The following SLC25A25 variants were observed in gnomAD, a reference collection of about 807,000 sequenced individuals.
SLC25A25 encodes the protein solute carrier family 25 member 25, also known as mitochondrial adenyl nucleotide antiporter SLC25A25.
Under a neutral mutation model 57.7 loss-of-function variants are expected in SLC25A25, and 32 were observed. The observed-to-expected ratio is 0.55, with a 90% CI of 0.42 to 0.74. SLC25A25 has a LOEUF of 0.74. Among genes scored for constraint, SLC25A25 ranks in the 30% least tolerant of loss-of-function variants. The probability of loss-of-function intolerance (pLI) is 0.00; values close to 1 mark genes in which losing one functional copy is unlikely to be tolerated. For missense variants in SLC25A25, 556 were observed against 701.3 expected (o/e 0.79, Z 2.34); for synonymous variants, 306 against 291.2 (o/e 1.05, Z -0.52).
intron 1 of SLC25A25, among the ~76,000 whole-genome samples, chr9:128,080,188 G>T (rs112311948): frequency 2.0e-5 from 3 of 149,920 alleles, no homozygotes; most frequent in South Asian, 4.2e-4. Context: ...CCGAGATCAC[G>T]CCACTGCACT....
At position 128,107,141 on chromosome 9, in the gene SLC25A25, AC is replaced by A. The variant is rs770577173; in HGVS notation, c.1330del (p.Leu444TrpfsTer3). The A allele has an allele frequency of 6.2e-7, 1 of 1,613,698 alleles. No homozygotes were observed. Among genetic ancestry groups the A allele is most frequent in the Admixed American group, 1.7e-5 (1 of 59,992 alleles). On this transcript the variant is annotated frameshift_variant, in exon 10 of 11. Transcript: ENST00000373069. LOFTEE classifies it high-confidence loss of function. ...MSSTCGQLAS[Y>X]PLALVRTRMQ... ...AGTACCTGTGGCCAGCTGGCCAGCT[AC>A]CCCCTGGCCCTAGTCAGGACCCGGA...
intron 1 of SLC25A25, among the ~76,000 whole-genome samples, chr9:128,093,322 T>C (rs796368533): frequency 1.3e-4 from 20 of 152,364 alleles, no homozygotes; most frequent in African/African-American, 4.8e-4. Context: ...AAGATTGGAA[T>C]GGCTGTGGCA....
chr9:128,078,284 G>T (rs1301939469), intron 1 of SLC25A25, among the ~76,000 whole-genome samples: 1 of 152,072 alleles, frequency 6.6e-6, no homozygotes, highest in Non-Finnish European at 1.5e-5. Context: ...AAAATAAGGT[G>T]CCCAGAATTG....
At chr9:128,107,215 G>T (rs1305750953) in intron 10 of SLC25A25, 36 bp downstream of exon 10, 1 of 1,613,134 alleles carries the variant, frequency 6.2e-7, no homozygotes, top group Admixed American at 1.7e-5. Flanking sequence ...TGGGAGGTCG[G>T]GGGGAGCGGA....
At position 128,068,532 on chromosome 9, in the gene SLC25A25, G is replaced by A. The variant is rs1164205007; in HGVS notation, c.213G>A (p.Ala71=). ...GCGGCCTGTGTGTCAACGACCTGGC[G>A]GTGGGGCTGCGGCGCCTGGGACTGC... The part of the protein sequence containing the change: ...RDGGLCVNDL[A]VGLRRLGLHR... The change falls in exon 1 of 11, where the codon GCG becomes GCA. Residue 71 remains alanine, a synonymous_variant. Transcript: ENST00000373069. The A allele has an allele frequency of 6.7e-7, 1 of 1,488,604 alleles. No individual in the cohort carries two copies. Among genetic ancestry groups the A allele is most frequent in the Non-Finnish European group, 8.9e-7 (1 of 1,126,118 alleles). 92.2% of individuals were successfully genotyped at this position (1,488,604 alleles called of 1,614,324 possible). A position where few individuals can be genotyped will look rare whatever the true frequency, so the allele number is the denominator to read the frequency against.
At chr9:128,094,464 G>A (rs529836922) in intron 1 of SLC25A25, 44 of 152,270 alleles carry the variant, frequency 2.9e-4, no homozygotes, top group African/African-American at 1.0e-3. Flanking sequence ...GTGTAGGCAG[G>A]TTTCATTGGA....
chr9:128,096,763 G>C (rs1208761891), intron 1 of SLC25A25, among the ~76,000 whole-genome samples: 1 of 152,220 alleles, frequency 6.6e-6, no homozygotes, highest in Non-Finnish European at 1.5e-5. Context: ...TACCTTCAAG[G>C]ACCCTGGTGG....
intron 1 of SLC25A25, among the ~76,000 whole-genome samples, chr9:128,093,887 T>C (rs1472810576): frequency 1.3e-5 from 2 of 152,228 alleles, no homozygotes; most frequent in Non-Finnish European, 2.9e-5. Flanking sequence ...CAGTGGCTCA[T>C]GCCTGTAATC....
chr9:128,088,238 C>G (rs1306368022), intron 1 of SLC25A25, among the ~76,000 whole-genome samples: 1 of 152,202 alleles, frequency 6.6e-6, no homozygotes, highest in Non-Finnish European at 1.5e-5. Context: ...GCAAAACCCT[C>G]TGAGCACTCT....
intron 1 of SLC25A25, among the ~76,000 whole-genome samples, chr9:128,097,598 C>T (rs1256806944): frequency 6.6e-6 from 1 of 152,150 alleles, no homozygotes; most frequent in African/African-American, 2.4e-5. Context: ...CTGGCTATGA[C>T]TTTACATTTA....
In SLC25A25 at chr9:128,105,862, A is replaced by G. The variant is rs544724772; in HGVS notation, c.917A>G (p.Lys306Arg). Residue 306 changes from lysine to arginine, a missense_variant, in exon 7 of 11, where the codon AAA (lysine) becomes AGA (arginine). Around this residue, in one of 3 missense-constraint regions of SLC25A25, gnomAD observed 294 missense variants for 389.6 expected, o/e 0.75. Coordinates refer to ENST00000373069, the MANE Select transcript of SLC25A25 (RefSeq NM_001330988.2). Reference protein sequence around the residue: ...VLKIAPESAIKFMAYEQIKRL... With the variant: ...VLKIAPESAIRFMAYEQIKRL... ...AAAATTGCCCCCGAATCAGCCATCAAATTCATGGCCTATGAGCAGGTGAGG... is the reference window on the plus strand; with the variant it reads ...AAAATTGCCCCCGAATCAGCCATCAGATTCATGGCCTATGAGCAGGTGAGG... 3.1e-6 allele frequency: 5 copies of G among 1,614,082 alleles called. No homozygotes were observed. The highest frequency in any genetic ancestry group is 3.3e-5 in the Admixed American group (2 of 60,016).
chr9:128,092,883 A>G (rs1833450145), intron 1 of SLC25A25, among the ~76,000 whole-genome samples: 2 of 152,342 alleles, frequency 1.3e-5, no homozygotes, highest in South Asian at 4.1e-4. Context: ...CCCTTAGGAA[A>G]GCAGTTTTTA....
At chr9:128,093,815 C>T (rs1482589430) in intron 1 of SLC25A25, among the ~76,000 whole-genome samples, 1 of 152,160 alleles carries the variant, frequency 6.6e-6, no homozygotes, top group Non-Finnish European at 1.5e-5. Context: ...CTCACCAAAT[C>T]ACAAAAAGGA....
chr9:128,069,463 C>G (rs1001920991), intron 1 of SLC25A25, among the ~76,000 whole-genome samples: 2 of 152,040 alleles, frequency 1.3e-5, no homozygotes, highest in African/African-American at 4.8e-5. Context: ...GAATAGGACT[C>G]CTGAGTACTT....
At chr9:128,104,302 G>A (rs1292550459) in intron 6 of SLC25A25, among the ~76,000 whole-genome samples, 4 of 152,190 alleles carry the variant, frequency 2.6e-5, no homozygotes, top group Admixed American at 6.5e-5. Flanking sequence ...CAACGACACT[G>A]GTGGACTTTG....
chr9:128,100,967 G>A, intron 1 of SLC25A25, 129 bp from the exon 2 acceptor site: 1 of 1,259,692 alleles, frequency 7.9e-7, no homozygotes, highest in Non-Finnish European at 1.1e-6. Flanking sequence ...TGGAGCAGAA[G>A]CATCTTGGGT....
In SLC25A25 at chr9:128,101,173, T is replaced by C. The variant is rs1833776627; in HGVS notation, c.339T>C (p.His113=). 1 of 1,613,568 alleles carries C rather than the reference T, an allele frequency of 6.2e-7. No individual in the cohort carries two copies. The highest frequency in any genetic ancestry group is 8.5e-7 in the Non-Finnish European group (1 of 1,179,544). The change falls in exon 2 of 11, where the codon CAT becomes CAC. Residue 113 remains histidine, a synonymous_variant. Transcript: ENST00000373069. This position sits in a 1 kb window ranked among gnomAD's most constrained non-coding sequence, Gnocchi z 4.9. ...FEEFVHYLQD[H]EKKLRLVFKS... ...AATTTGTCCATTATCTCCAAGATCA[T>C]GAGAAGAAGCTGAGGCTGGTGTTTA...
intron 1 of SLC25A25, among the ~76,000 whole-genome samples, chr9:128,080,943 C>T (rs945116660): frequency 6.6e-6 from 1 of 152,196 alleles, no homozygotes; most frequent in Non-Finnish European, 1.5e-5. Flanking sequence ...CAAGGTTCCT[C>T]AGCACCCCTT....
intron 1 of SLC25A25, among the ~76,000 whole-genome samples, chr9:128,079,462 G>A (rs1165362579): frequency 1.4e-4 from 20 of 141,720 alleles, no homozygotes; most frequent in African/African-American, 5.0e-4. Flanking sequence ...AGATCACCAA[G>A]AATAAGAACC....
Sources: gnomAD v4.1 joint callset for allele counts (sites outside exome capture counted in the v4.1 genomes callset) on GRCh38, gnomAD v4.1.1 for gene constraint, gnomAD v4.1.1 regional missense constraint, Gnocchi (gnomAD v3.1) non-coding constraint, MANE v1.5 for transcripts, NCBI Gene and HGNC (gene_info 2026-07-23, HGNC 2026-07-21) for gene names.